The following LEPROT variants were observed in gnomAD, a reference collection of about 807,000 sequenced individuals.
LEPROT encodes the protein leptin receptor overlapping transcript.
In LEPROT, 3 loss-of-function variants were observed where a neutral mutation model predicts 15.4. The ratio of observed to expected loss-of-function variants is 0.19; its 90% CI spans 0.09 to 0.50. LEPROT has a LOEUF of 0.50. LEPROT is among the 20% of genes least tolerant of loss of function. The pLI is 0.97. For synonymous variants in LEPROT, 59 were observed against 57.5 expected (o/e 1.03, Z -0.12); for missense variants, 137 against 162.2 (o/e 0.84, Z 0.84).
At chr1:65,423,331 C>G (rs981993039) in intron 1 of LEPROT, among the ~76,000 whole-genome samples, 3 of 151,582 alleles carry the variant, frequency 2.0e-5, no homozygotes, top group South Asian at 4.2e-4. Context: ...TTGGTCAACT[C>G]CAACTTTAAG....
Position 65,434,846 on chromosome 1 carries a change from T to A in LEPROT, c.*2927T>A, listed in dbSNP as rs1646536934. ...GAGTCACCCACCCTTCTCCTCCCATTAGTCAGTTCTCTAAGTACAGCTGAT... is the reference window on the plus strand; with the variant it reads ...GAGTCACCCACCCTTCTCCTCCCATAAGTCAGTTCTCTAAGTACAGCTGAT... On this transcript the variant is annotated 3_prime_UTR_variant, in exon 4 of 4. Transcript: ENST00000371065. The A allele has an allele frequency of 1.0e-5, 10 of 985,356 alleles. No homozygotes were observed. The highest frequency in any genetic ancestry group is 1.2e-5 in the Non-Finnish European group (10 of 829,952). The allele number at this position is 985,356 out of a possible 1,614,324, so 61.0% of individuals were successfully genotyped here.
intron 2 of LEPROT, 128 bp from the exon 3 acceptor site, chr1:65,429,734 A>T (rs1485135968): frequency 1.3e-6 from 1 of 775,038 alleles, no homozygotes; most frequent in Non-Finnish European, 1.9e-6. Flanking sequence ...ATGTTCTAAT[A>T]TTCACAATTA....
intron 1 of LEPROT, among the ~76,000 whole-genome samples, chr1:65,423,482 T>A (rs577218413): frequency 3.9e-5 from 6 of 152,088 alleles, no homozygotes; most frequent in Admixed American, 2.0e-4. Context: ...ACAGGCCTCA[T>A]GGAGGAGGGG....
intron 1 of LEPROT, among the ~76,000 whole-genome samples, chr1:65,421,848 G>T (rs1361741405): frequency 2.6e-5 from 4 of 152,086 alleles, no homozygotes; most frequent in African/African-American, 9.7e-5. Context: ...GAATGTGTTA[G>T]AAAATTGTGA....
intron 1 of LEPROT, among the ~76,000 whole-genome samples, chr1:65,423,966 T>G (rs1342652782): frequency 6.6e-6 from 1 of 152,196 alleles, no homozygotes; most frequent in East Asian, 1.9e-4. Flanking sequence ...ATTATCTCAT[T>G]TAATTCCCAT....
In LEPROT at chr1:65,431,797, T is replaced by TTTCA. The variant is rs753040312; in HGVS notation, c.280-5_280-2dup. The TTTCA allele has an allele frequency of 6.2e-7, 1 of 1,610,658 alleles. No individual in the cohort carries two copies. Among genetic ancestry groups the TTTCA allele is most frequent in the Non-Finnish European group, 8.5e-7 (1 of 1,179,032 alleles). The stretch of plus-strand genomic sequence containing the variant: ...AGGATTTAATCCTTCTTTTCTTGTC[T>TTTCA]TTCAGATCAAATGGGGAGCCTGCGG... On this transcript the variant is annotated splice_region_variant and splice_polypyrimidine_tract_variant and intron_variant, in intron 3 of 3. Coordinates refer to ENST00000371065, the MANE Select transcript of LEPROT (RefSeq NM_017526.5).
At chr1:65,427,410 A>G (rs1430783193) in intron 2 of LEPROT, among the ~76,000 whole-genome samples, 1 of 152,110 alleles carries the variant, frequency 6.6e-6, no homozygotes, top group Non-Finnish European at 1.5e-5. Flanking sequence ...CCCATTCTAC[A>G]AAAAACTAAA....
intron 1 of LEPROT, among the ~76,000 whole-genome samples, chr1:65,423,478 C>G (rs1401120044): frequency 6.6e-6 from 1 of 152,062 alleles, no homozygotes; most frequent in African/African-American, 2.4e-5. Flanking sequence ...TTTGACAGGC[C>G]TCATGGAGGA....
At chr1:65,422,648 G>GA (rs1171102107) in intron 1 of LEPROT, among the ~76,000 whole-genome samples, 1 of 152,250 alleles carries the variant, frequency 6.6e-6, no homozygotes, top group Non-Finnish European at 1.5e-5. Context: ...GGCATGGAGT[G>GA]AAGGTGGAGT....
At position 65,432,973 on chromosome 1, in the gene LEPROT, A is replaced by C. The variant is rs1646507895; in HGVS notation, c.*1054A>C. The C allele has an allele frequency of 1.0e-6, 1 of 984,930 alleles. No individual in the cohort carries two copies. The highest frequency in any genetic ancestry group is 1.2e-6 in the Non-Finnish European group (1 of 829,606). 61.0% of individuals were successfully genotyped at this position (984,930 alleles called of 1,614,324 possible). On this transcript the variant is annotated 3_prime_UTR_variant, in exon 4 of 4. Coordinates refer to ENST00000371065, the MANE Select transcript of LEPROT (RefSeq NM_017526.5). ...AAAAACAAAACATACTCTCTCCCCC[A>C]AAAAAACATCTCAGTGGGGAACAGA... is the stretch of plus-strand genomic sequence containing the variant.
Position 65,431,953 on chromosome 1 carries a change from T to C in LEPROT, c.*34T>C. 6.2e-7 allele frequency: 1 copy of C among 1,604,426 alleles called. No individual in the cohort carries two copies. Among genetic ancestry groups the C allele is most frequent in the Non-Finnish European group, 8.5e-7 (1 of 1,177,160 alleles). Reference sequence around the variant, plus strand: ...TCTGATTACAGTGCATTGAATTTCTTAGAACTCATACTATCTGTATACATG... The same window carrying C: ...TCTGATTACAGTGCATTGAATTTCTCAGAACTCATACTATCTGTATACATG... On this transcript the variant is annotated 3_prime_UTR_variant, in exon 4 of 4. Transcript: ENST00000371065.
At chr1:65,421,258 C>A in intron 1 of LEPROT, 1 of 1,416,716 alleles carries the variant, frequency 7.1e-7, no homozygotes, top group Non-Finnish European at 9.3e-7. Flanking sequence ...GTGTTTCTCG[C>A]AGTCGTGGAG....
Position 65,432,929 on chromosome 1 carries a change from T to G in LEPROT, c.*1010T>G. The G allele has an allele frequency of 1.0e-6, 1 of 966,058 alleles. No individual in the cohort carries two copies. The highest frequency in any genetic ancestry group is 1.2e-6 in the Non-Finnish European group (1 of 812,412). 59.8% of individuals were successfully genotyped at this position (966,058 alleles called of 1,614,324 possible). ...CCCTATAAAAATATACAATAATTTG[T>G]CAATATATAATCAAAATAAAAAACA... is the stretch of plus-strand genomic sequence containing the variant. On this transcript the variant is annotated 3_prime_UTR_variant, in exon 4 of 4. Coordinates refer to ENST00000371065, the MANE Select transcript of LEPROT (RefSeq NM_017526.5).
At position 65,435,965 on chromosome 1, in the gene LEPROT, A is replaced by G. The variant is rs1355272154; in HGVS notation, c.*4046A>G. The G allele has an allele frequency of 8.1e-6, 8 of 985,036 alleles. No individual in the cohort carries two copies. The highest frequency in any genetic ancestry group is 8.4e-6 in the Non-Finnish European group (7 of 829,640). 61.0% of individuals were successfully genotyped at this position (985,036 alleles called of 1,614,324 possible). A position where few individuals can be genotyped will look rare whatever the true frequency, so the allele number is the denominator to read the frequency against. On this transcript the variant is annotated 3_prime_UTR_variant, in exon 4 of 4. Transcript: ENST00000371065. ...CATGTAACCCCAAATGTGATGTGAG[A>G]GGACGATTACTTTGTAAATAAAACT...
Position 65,425,180 on chromosome 1 carries a change from A to G in LEPROT, c.17-123A>G, listed in dbSNP as rs545140610. The G allele has an allele frequency of 1.6e-5, 12 of 745,974 alleles. No individual in the cohort carries two copies. The East Asian group carries it at 3.2e-4, about 20-fold the overall frequency. 46.2% of individuals were successfully genotyped at this position (745,974 alleles called of 1,614,324 possible). A position where few individuals can be genotyped will look rare whatever the true frequency, so the allele number is the denominator to read the frequency against. On this transcript the variant is annotated intron_variant, in intron 1 of 3. Coordinates refer to ENST00000371065, the MANE Select transcript of LEPROT (RefSeq NM_017526.5). ...GCCATCACTACTATCTAATTCCAGA[A>G]AATTTACTCATCCGCCAAAGAAACT...
intron 2 of LEPROT, 65 bp from the exon 3 acceptor site, chr1:65,429,797 A>G (rs887332798): frequency 8.0e-7 from 1 of 1,252,956 alleles, no homozygotes; most frequent in Admixed American, 2.7e-5. Flanking sequence ...AAATAGTAGT[A>G]TGTCTTTCAT....
intron 2 of LEPROT, among the ~76,000 whole-genome samples, chr1:65,425,653 G>A (rs1030537654): frequency 6.8e-6 from 1 of 147,594 alleles, no homozygotes; most frequent in African/African-American, 2.5e-5. Context: ...CAAAGAGGAG[G>A]TAAAGTTCTA....
At chr1:65,426,551 A>G (rs986388135) in intron 2 of LEPROT, among the ~76,000 whole-genome samples, 1 of 152,038 alleles carries the variant, frequency 6.6e-6, no homozygotes, top group Non-Finnish European at 1.5e-5. Flanking sequence ...ATCAAGCAAA[A>G]TTGAGGGCTG....
intron 2 of LEPROT, among the ~76,000 whole-genome samples, chr1:65,427,096 C>T (rs1646391932): frequency 6.6e-6 from 1 of 152,094 alleles, no homozygotes; most frequent in African/African-American, 2.4e-5. Context: ...TCCTGGCCAA[C>T]TATTACAGAA....
Sources: gnomAD v4.1 joint callset for allele counts (sites outside exome capture counted in the v4.1 genomes callset) on GRCh38, gnomAD v4.1.1 for gene constraint, MANE v1.5 for transcripts, NCBI Gene and HGNC (gene_info 2026-07-23, HGNC 2026-07-21) for gene names.